DCLK2: variants seen among roughly 807,000 people sequenced by gnomAD.
DCLK2 encodes doublecortin like kinase 2, also known as serine/threonine-protein kinase DCLK2.
Under a neutral mutation model 78.4 loss-of-function variants are expected in DCLK2, and 31 were observed. The observed-to-expected ratio is 0.40, with a 90% confidence interval of 0.30 to 0.53. The LOEUF (loss-of-function observed/expected upper bound fraction) is 0.53, where lower values mean the gene tolerates loss of function less well. Ranked by LOEUF, DCLK2 falls within the 20% of genes least tolerant of loss-of-function variation. The pLI is 0.61. For synonymous variants in DCLK2, 407 were observed against 374.9 expected (o/e 1.09, Z -0.99); for missense variants, 872 against 973.7 (o/e 0.90, Z 1.39).
intron 2 of DCLK2, among the ~76,000 whole-genome samples, chr4:150,142,707 A>T (rs530603222): frequency 6.6e-6 from 1 of 152,318 alleles, no homozygotes; most frequent in South Asian, 2.1e-4. Flanking sequence ...TGTTTAACAA[A>T]CACGAGAATC....
intron 1 of DCLK2, among the ~76,000 whole-genome samples, chr4:150,088,463 T>A (rs1041347660): frequency 1.3e-5 from 2 of 152,080 alleles, no homozygotes; most frequent in African/African-American, 4.8e-5. Context: ...TTTTTTTCTT[T>A]TTTCTTTTTA....
At chr4:150,084,958 A>G (rs1381275745) in intron 1 of DCLK2, among the ~76,000 whole-genome samples, 2 of 152,076 alleles carry the variant, frequency 1.3e-5, no homozygotes, top group Admixed American at 6.6e-5. Flanking sequence ...CATTGCTACC[A>G]TTTACTAGAT....
intron 15 of DCLK2, among the ~76,000 whole-genome samples, chr4:150,250,809 C>G (rs1286672155): frequency 6.6e-6 from 1 of 150,994 alleles, no homozygotes; most frequent in East Asian, 1.9e-4. Flanking sequence ...TAGGAAGACG[C>G]AGGGTCTAGA....
At chr4:150,234,396 G>A (rs1205316046) in intron 10 of DCLK2, among the ~76,000 whole-genome samples, 1 of 152,166 alleles carries the variant, frequency 6.6e-6, no homozygotes, top group East Asian at 1.9e-4. Context: ...GGTTTGGATG[G>A]TGACACGTAA....
chr4:150,221,616 T>C (rs1741195665), intron 6 of DCLK2, 61 bp from the exon 7 acceptor site: 2 of 1,028,254 alleles, frequency 1.9e-6, no homozygotes, highest in Non-Finnish European at 1.4e-6. Flanking sequence ...TTTACAAATA[T>C]GTAGGAATCT....
intron 7 of DCLK2, among the ~76,000 whole-genome samples, chr4:150,224,023 C>T: frequency 6.6e-6 from 1 of 151,982 alleles, no homozygotes; most frequent in African/African-American, 2.4e-5. Context: ...CCTAAGAGAA[C>T]TATTTTGAGA....
Position 150,240,510 on chromosome 4 carries a change from C to A in DCLK2, c.1778+34C>A, listed in dbSNP as rs372808421. On this transcript the variant is annotated intron_variant, in intron 12 of 15. Transcript: ENST00000296550. Reference sequence around the variant, plus strand: ...CCTTTTGGGCGACGTATTTGAATTGCAAATGTTCTCCCTTGGGTCCAGAAG... The same window carrying A: ...CCTTTTGGGCGACGTATTTGAATTGAAAATGTTCTCCCTTGGGTCCAGAAG... 9.4e-5 allele frequency: 144 copies of A among 1,527,954 alleles called. 1 individual carries two copies. Among genetic ancestry groups the A allele is most frequent in the Middle Eastern group, 3.6e-4 (2 of 5,596 alleles). The allele number at this position is 1,527,954 out of a possible 1,614,324, so 94.6% of individuals were successfully genotyped here.
intron 2 of DCLK2, among the ~76,000 whole-genome samples, chr4:150,137,935 G>A (rs1262920600): frequency 6.6e-6 from 1 of 152,138 alleles, no homozygotes; most frequent in Non-Finnish European, 1.5e-5. Context: ...CTACCATCTA[G>A]TCAGAAAGTT....
At chr4:150,085,783 T>C (rs776660423) in intron 1 of DCLK2, among the ~76,000 whole-genome samples, 20 of 152,194 alleles carry the variant, frequency 1.3e-4, no homozygotes, top group Non-Finnish European at 2.9e-4. Context: ...GTTAGCACCT[T>C]GATCTTTGAT....
Position 150,214,953 on chromosome 4 carries a change from C to CAA in DCLK2, c.1057-5732_1057-5731dup, listed in dbSNP as rs60156550. On this transcript the variant is annotated intron_variant, in intron 5 of 15. Transcript: ENST00000296550. ...CTCCACCCTGGGTGACAGAGTGTCT[C>CAA]AAAAAAAAAAAAAAAAAAAGAAAGA... Among the ~76,000 whole-genome samples the CAA allele has an allele frequency of 1.6e-3, 139 of 86,374 alleles. 2 individuals carry two copies. The highest frequency in any genetic ancestry group is 2.5e-3 in the South Asian group (5 of 1,988). The allele number at this position is 86,374 out of a possible 152,430, so 56.7% of individuals were successfully genotyped here.
At chr4:150,089,768 G>T (rs767371143) in intron 1 of DCLK2, among the ~76,000 whole-genome samples, 14 of 152,186 alleles carry the variant, frequency 9.2e-5, no homozygotes, top group Non-Finnish European at 1.8e-4. Flanking sequence ...CAGTAAAAAT[G>T]CAAAATAGCA....
intron 5 of DCLK2, among the ~76,000 whole-genome samples, chr4:150,204,903 AAT>A (rs1491029287): frequency 5.3e-5 from 8 of 151,718 alleles, no homozygotes; most frequent in Non-Finnish European, 4.4e-5. Context: ...AAAAAAAAAA[AAT>A]GGAATTTCCT....
rs888152403 is a variant in DCLK2, at chr4:150,244,208, T to G, written c.1779-3395T>G. Among the ~76,000 whole-genome samples the G allele has an allele frequency of 7.2e-5, 11 of 152,152 alleles. 1 individual carries two copies. The highest frequency in any genetic ancestry group is 1.9e-4 in the African/African-American group (8 of 41,426). The stretch of plus-strand genomic sequence containing the variant: ...CTCCAGCCTCTCAAAGTGTTGAGAT[T>G]ATAGGTGTGAGCCACTGTGCCTGAG... On this transcript the variant is annotated intron_variant, in intron 12 of 15. Coordinates refer to ENST00000296550, the MANE Select transcript of DCLK2 (RefSeq NM_001040260.4).
intron 2 of DCLK2, among the ~76,000 whole-genome samples, chr4:150,168,011 A>G (rs1414242115): frequency 1.3e-5 from 2 of 152,116 alleles, no homozygotes; most frequent in African/African-American, 4.8e-5. Context: ...ACTGGGGGAG[A>G]AGGAGGGCGC....
intron 1 of DCLK2, among the ~76,000 whole-genome samples, chr4:150,098,394 G>A (rs1307401574): frequency 6.6e-6 from 1 of 152,230 alleles, no homozygotes; most frequent in East Asian, 1.9e-4. Context: ...TTGACTCTGA[G>A]TGACAGACCA....
At chr4:150,175,997 C>A (rs1737064402) in intron 2 of DCLK2, among the ~76,000 whole-genome samples, 1 of 152,176 alleles carries the variant, frequency 6.6e-6, no homozygotes, top group Non-Finnish European at 1.5e-5. Context: ...GTGTAAGTTG[C>A]CCGAGGCAAC....
chr4:150,256,398 T>A lies in DCLK2; in HGVS notation c.*151T>A. On this transcript the variant is annotated 3_prime_UTR_variant, in exon 16 of 16. Coordinates refer to ENST00000296550, the MANE Select transcript of DCLK2 (RefSeq NM_001040260.4). Reference sequence around the variant, plus strand: ...CGCAGGCCGCCTGGGAACCGGAGCCTGGCGTGCCGGAGCCTGGCCTGGTGC... The same window carrying A: ...CGCAGGCCGCCTGGGAACCGGAGCCAGGCGTGCCGGAGCCTGGCCTGGTGC... 9.1e-7 allele frequency: 1 copy of A among 1,102,130 alleles called. No homozygotes were observed. Among genetic ancestry groups the A allele is most frequent in the East Asian group, 2.7e-5 (1 of 37,126 alleles). The allele number at this position is 1,102,130 out of a possible 1,614,324, so 68.3% of individuals were successfully genotyped here.
At chr4:150,106,195 G>A (rs1477912607) in intron 2 of DCLK2, among the ~76,000 whole-genome samples, 1 of 152,086 alleles carries the variant, frequency 6.6e-6, no homozygotes, top group African/African-American at 2.4e-5. Flanking sequence ...AGTTTTCTTA[G>A]TGCTGAGTCC....
intron 1 of DCLK2, among the ~76,000 whole-genome samples, chr4:150,097,753 T>C (rs1218061649): frequency 2.0e-5 from 3 of 152,210 alleles, no homozygotes; most frequent in Non-Finnish European, 4.4e-5. Context: ...ATAACCACCT[T>C]ATGCTTCTGT....
Sources: allele counts gnomAD v4.1 joint callset (sites outside exome capture counted in the v4.1 genomes callset), GRCh38; gene constraint gnomAD v4.1.1; transcripts MANE v1.5; gene names NCBI Gene and HGNC (gene_info 2026-07-23, HGNC 2026-07-21).